The following RAB33A variants were observed in gnomAD, a reference collection of about 807,000 sequenced individuals.
RAB33A encodes the protein ras-related protein Rab-33A.
Under a neutral mutation model 12.0 loss-of-function variants are expected in RAB33A, and 6 were observed. The observed-to-expected ratio is 0.50, with a 90% CI of 0.27 to 0.99. RAB33A has a LOEUF of 0.99. Among genes scored for constraint, RAB33A ranks in the 50% least tolerant of loss-of-function variants. RAB33A has a pLI of 0.11. For synonymous variants in RAB33A, 70 were observed against 82.4 expected, an observed-to-expected ratio of 0.85 and a Z score of 0.81; for missense variants, 109 against 192.0, an observed-to-expected ratio of 0.57 and a Z score of 2.55.
At chrX:130,149,572 C>T in the RAB33A span, 18 of 1,162,057 alleles carry the variant, frequency 1.5e-5, no homozygotes, top group East Asian at 3.6e-4. Context: ...TGTAGGCCTG[C>T]GGATCCAAAC....
the RAB33A span, chrX:130,156,749 CATAT>C: frequency 1.5e-6 from 1 of 665,970 alleles, no homozygotes; most frequent in Non-Finnish European, 2.3e-6. Context: ...ATCAAAACTG[CATAT>C]ATAAATACTA....
chrX:130,139,649 G>C, the RAB33A span: 1 of 542,041 alleles, frequency 1.8e-6, no homozygotes, highest in Admixed American at 2.6e-5. Flanking sequence ...GAGAGGAAGT[G>C]ACTTGTTCAA....
chrX:130,131,932 G>C, the RAB33A span: 1 of 791,860 alleles, frequency 1.3e-6, no homozygotes, highest in Non-Finnish European at 1.9e-6. Flanking sequence ...AGTGCAATGG[G>C]TGCGAACTCA....
chrX:130,160,033 G>T, the RAB33A span, among the ~76,000 whole-genome samples: 3 of 110,557 alleles, frequency 2.7e-5, no homozygotes, highest in Non-Finnish European at 5.7e-5. Flanking sequence ...TGTTGTCCAG[G>T]CTGGAAAAGT....
the RAB33A span, among the ~76,000 whole-genome samples, chrX:130,159,440 T>C: frequency 3.6e-5 from 4 of 111,749 alleles, no homozygotes; most frequent in East Asian, 1.1e-3. Context: ...GGGCAAGCTT[T>C]TGATTTTCAG....
At chrX:130,151,589 T>G in the RAB33A span, among the ~76,000 whole-genome samples, 1 of 112,314 alleles carries the variant, frequency 8.9e-6, no homozygotes, top group Non-Finnish European at 1.9e-5. Flanking sequence ...AGTTAAGTAC[T>G]GTATGGGAAA....
chrX:130,130,924 C>G, the RAB33A span, among the ~76,000 whole-genome samples: 1 of 112,176 alleles, frequency 8.9e-6, no homozygotes, highest in African/African-American at 3.2e-5. Context: ...TAGGAGAGAT[C>G]AGAATTAAGG....
the RAB33A span, among the ~76,000 whole-genome samples, chrX:130,158,630 G>A: frequency 4.0e-5 from 4 of 99,727 alleles, no homozygotes; most frequent in African/African-American, 7.6e-5. Context: ...TGGCTTCCCC[G>A]AGCCACATGG....
the RAB33A span, among the ~76,000 whole-genome samples, chrX:130,128,701 G>A: frequency 8.9e-6 from 1 of 112,320 alleles, no homozygotes; most frequent in East Asian, 2.8e-4. Context: ...GCCCATAAGC[G>A]TATTTCAGAG....
At chrX:130,120,234 GT>G in the RAB33A span, among the ~76,000 whole-genome samples, 10 of 108,771 alleles carry the variant, frequency 9.2e-5, no homozygotes, top group African/African-American at 2.7e-4. Flanking sequence ...TTTGTTTTTT[GT>G]TTTTTTTTCT....
the RAB33A span, among the ~76,000 whole-genome samples, chrX:130,153,553 T>C: frequency 1.8e-5 from 2 of 111,243 alleles, no homozygotes; most frequent in African/African-American, 3.3e-5. Flanking sequence ...TATTCCTATA[T>C]TGAAGCCTTA....
At chrX:130,135,522 C>T in the RAB33A span, among the ~76,000 whole-genome samples, 2 of 103,248 alleles carry the variant, frequency 1.9e-5, no homozygotes, top group Non-Finnish European at 3.9e-5. Context: ...AGTCCATAAA[C>T]AAACACAATA....
At chrX:130,127,036 G>GGTGTGTGT in the RAB33A span, among the ~76,000 whole-genome samples, 168 of 106,014 alleles carry the variant, frequency 1.6e-3, no homozygotes, top group African/African-American at 5.3e-3. Context: ...CAATAAACCA[G>GGTGTGTGT]GTGTGTGTGT....
At chrX:130,137,552 T>C in the RAB33A span, 1 of 1,164,195 alleles carries the variant, frequency 8.6e-7, no homozygotes, top group East Asian at 3.3e-5. Context: ...AGAAAACTAG[T>C]TGCCATGAAA....
At chrX:130,140,753 G>A in the RAB33A span, 2 of 526,814 alleles carry the variant, frequency 3.8e-6, no homozygotes, top group South Asian at 2.6e-5. Context: ...TCACAAGGTT[G>A]TGCCACCATC....
chrX:130,144,022 A>T, the RAB33A span, among the ~76,000 whole-genome samples: 1 of 112,147 alleles, frequency 8.9e-6, no homozygotes, highest in Non-Finnish European at 1.9e-5. Context: ...TATTTTTAAA[A>T]ATTTCAACTT....
chrX:130,172,067 C>A lies in RAB33A; in HGVS notation c.5C>A (p.Ala2Glu), dbSNP rs781147116. The A allele has an allele frequency of 8.3e-7, 1 of 1,206,435 alleles. No individual in the cohort carries two copies. The highest frequency in any genetic ancestry group is 1.8e-5 in the South Asian group (1 of 56,336). Residue 2 changes from alanine to glutamate, a missense_variant, in exon 1 of 2, where the codon GCG (alanine) becomes GAG (glutamate). Transcript: ENST00000257017. ...CCCCGGTTCGGTCCGGGGGAGATGG[C>A]GCAGCCCATCCTGGGCCATGGGAGC... MAQPILGHGSLQ... is the reference protein window; with the variant it reads MEQPILGHGSLQ...
chrX:130,173,274 T>C (rs1047212000), intron 1 of RAB33A, among the ~76,000 whole-genome samples: 2 of 111,548 alleles, frequency 1.8e-5, no homozygotes, highest in East Asian at 5.6e-4. Flanking sequence ...TCTTGTGTCA[T>C]GGGGAGCAGA....
chrX:130,146,816 C>T, the RAB33A span, among the ~76,000 whole-genome samples: 2 of 111,564 alleles, frequency 1.8e-5, no homozygotes, highest in African/African-American at 6.5e-5. Context: ...AAAGAGAGTG[C>T]CGTTAAAAAG....
Sources: gnomAD v4.1 joint callset for allele counts (sites outside exome capture counted in the v4.1 genomes callset) on GRCh38, gnomAD v4.1.1 for gene constraint, MANE v1.5 for transcripts, NCBI Gene and HGNC (gene_info 2026-07-23, HGNC 2026-07-21) for gene names.